LGR5: variants seen among roughly 807,000 people sequenced by gnomAD.
The protein encoded by LGR5 is leucine rich repeat containing G protein-coupled receptor 5, also known as leucine-rich repeat-containing G protein-coupled receptor 5.
LGR5 carries 54 observed loss-of-function variants against 76.7 expected under a neutral mutation model. The ratio of observed to expected loss-of-function variants is 0.70; its 90% CI spans 0.57 to 0.88. LGR5 has a LOEUF of 0.88. LGR5 is among the 40% of genes least tolerant of loss of function. The probability of loss-of-function intolerance (pLI) is 0.00; values close to 1 mark genes in which losing one functional copy is unlikely to be tolerated. For missense variants in LGR5, 1,078 were observed against 1,073.3 expected, an observed-to-expected ratio of 1.00 and a Z score of -0.06; for synonymous variants, 406 against 421.9, an observed-to-expected ratio of 0.96 and a Z score of 0.46.
chr12:71,541,805 G>A (rs773906747), intron 4 of LGR5, among the ~76,000 whole-genome samples: 4 of 152,148 alleles, frequency 2.6e-5, no homozygotes, highest in Non-Finnish European at 1.5e-5. Context: ...GATTTGTAAC[G>A]GAGTCAGGCT....
intron 4 of LGR5, among the ~76,000 whole-genome samples, chr12:71,544,889 G>C (rs1203758070): frequency 6.6e-6 from 1 of 151,900 alleles, no homozygotes; most frequent in East Asian, 1.9e-4. Context: ...TGGTTTTTTG[G>C]CTTTCCTGAC....
At chr12:71,525,477 A>G (rs2137344863) in intron 3 of LGR5, among the ~76,000 whole-genome samples, 1 of 151,022 alleles carries the variant, frequency 6.6e-6, no homozygotes, top group Non-Finnish European at 1.5e-5. Flanking sequence ...GTAATTCCTT[A>G]TGTGGTAAAA....
intron 1 of LGR5, among the ~76,000 whole-genome samples, chr12:71,472,541 G>A (rs1236439269): frequency 6.6e-6 from 1 of 152,142 alleles, no homozygotes; most frequent in Non-Finnish European, 1.5e-5. Context: ...AGATATAATA[G>A]GTTTCACAAA....
At chr12:71,484,546 G>A (rs1290437347) in intron 1 of LGR5, among the ~76,000 whole-genome samples, 1 of 152,176 alleles carries the variant, frequency 6.6e-6, no homozygotes, top group East Asian at 1.9e-4. Flanking sequence ...TCTGAGTGGG[G>A]TCTTTTCCTC....
chr12:71,560,333 T>G (rs1386485435), intron 7 of LGR5, among the ~76,000 whole-genome samples: 6 of 152,232 alleles, frequency 3.9e-5, no homozygotes, highest in Non-Finnish European at 8.8e-5. Flanking sequence ...TAAAAAATTC[T>G]AAGAAACAGA....
chr12:71,549,014 G>A (rs1158316303), intron 4 of LGR5, among the ~76,000 whole-genome samples: 1 of 152,146 alleles, frequency 6.6e-6, no homozygotes, highest in African/African-American at 2.4e-5. Context: ...ATACCCGACT[G>A]TTAAAATATT....
At chr12:71,535,071 G>T (rs1224162796) in intron 3 of LGR5, 44 bp from the exon 4 acceptor site, 1 of 1,402,466 alleles carries the variant, frequency 7.1e-7, no homozygotes, top group South Asian at 1.2e-5. Context: ...GCCTGTTATT[G>T]TTCATTTTTT....
In LGR5 at chr12:71,584,387, C is replaced by T; in HGVS notation, c.2377C>T (p.Leu793Phe). Reference protein sequence around the residue: ...AFLSFSSLINLTFISPEVIKF... With the variant: ...AFLSFSSLINFTFISPEVIKF... ...CTTGTCCTTCTCCTCTTTAATAAAC[C>T]TTACATTTATCAGTCCTGAAGTAAT... is the stretch of plus-strand genomic sequence containing the variant. Residue 793 changes from leucine to phenylalanine, a missense_variant, in exon 18 of 18, where the codon CTT becomes TTT. By Grantham distance (22) the Leu-to-Phe change is conservative. Transcript: ENST00000266674. 6.2e-7 allele frequency: 1 copy of T among 1,614,202 alleles called. No homozygotes were observed. The highest frequency in any genetic ancestry group is 8.5e-7 in the Non-Finnish European group (1 of 1,180,026).
chr12:71,498,877 C>A (rs1874459296), intron 1 of LGR5, among the ~76,000 whole-genome samples: 1 of 152,110 alleles, frequency 6.6e-6, no homozygotes, highest in Non-Finnish European at 1.5e-5. Flanking sequence ...GACAGGTGCC[C>A]CATGGGCATG....
At position 71,584,911 on chromosome 12, in the gene LGR5, A is replaced by G. The variant is rs1196910908; in HGVS notation, c.*177A>G. On this transcript the variant is annotated 3_prime_UTR_variant, in exon 18 of 18. Transcript: ENST00000266674. The stretch of plus-strand genomic sequence containing the variant: ...CTCTTGATACTTGAGAGTGAATATA[A>G]GTCTAAATGCTGCTTTGTATAATTT... 3.2e-6 allele frequency: 2 copies of G among 619,278 alleles called. No individual in the cohort carries two copies. The highest frequency in any genetic ancestry group is 5.6e-6 in the Non-Finnish European group (2 of 357,430). The allele number at this position is 619,278 out of a possible 1,614,324, so 38.4% of individuals were successfully genotyped here. A position where few individuals can be genotyped will look rare whatever the true frequency, so the allele number is the denominator to read the frequency against.
chr12:71,507,940 G>T (rs1187758326), intron 2 of LGR5, among the ~76,000 whole-genome samples: 5 of 151,960 alleles, frequency 3.3e-5, no homozygotes, highest in Non-Finnish European at 7.4e-5. Flanking sequence ...ATCACTATCA[G>T]CTGGGTGAAA....
chr12:71,517,755 A>G (rs971644253), intron 2 of LGR5, among the ~76,000 whole-genome samples: 2 of 152,264 alleles, frequency 1.3e-5, no homozygotes, highest in African/African-American at 4.8e-5. Context: ...ATCTGTCTTA[A>G]TTCAAAAAGC....
chr12:71,480,889 G>A (rs890513506), intron 1 of LGR5, among the ~76,000 whole-genome samples: 2 of 152,092 alleles, frequency 1.3e-5, no homozygotes, highest in Non-Finnish European at 2.9e-5. Flanking sequence ...AGTGATCAAG[G>A]TCTAACAACA....
chr12:71,550,435 A>C (rs940077792), intron 4 of LGR5, among the ~76,000 whole-genome samples: 5 of 146,620 alleles, frequency 3.4e-5, no homozygotes, highest in African/African-American at 1.3e-4. Flanking sequence ...GCGCAGCCCA[A>C]GACTTTTAGA....
chr12:71,542,911 G>A (rs1158148272), intron 4 of LGR5, among the ~76,000 whole-genome samples: 1 of 152,096 alleles, frequency 6.6e-6, no homozygotes, highest in East Asian at 1.9e-4. Context: ...CCCCAACCAT[G>A]CATTCCTCTT....
chr12:71,509,029 G>A (rs907110417), intron 2 of LGR5, among the ~76,000 whole-genome samples: 20 of 152,188 alleles, frequency 1.3e-4, no homozygotes, highest in African/African-American at 4.6e-4. Context: ...CAATGTGCCC[G>A]TGCATAGAGA....
At chr12:71,452,462 A>G (rs536173740) in intron 1 of LGR5, among the ~76,000 whole-genome samples, 10 of 152,334 alleles carry the variant, frequency 6.6e-5, no homozygotes, top group Admixed American at 1.3e-4. Context: ...CCTAAGACAT[A>G]AGATGCCATT....
At chr12:71,491,249 G>T (rs773931835) in intron 1 of LGR5, among the ~76,000 whole-genome samples, 7 of 152,142 alleles carry the variant, frequency 4.6e-5, no homozygotes, top group Non-Finnish European at 1.0e-4. Flanking sequence ...AACTAATACA[G>T]ACTTTAAGAC....
intron 5 of LGR5, among the ~76,000 whole-genome samples, chr12:71,554,993 T>C (rs1332191525): frequency 1.3e-5 from 2 of 152,166 alleles, no homozygotes; most frequent in Non-Finnish European, 2.9e-5. Context: ...TCTTCAATCA[T>C]TCCACTTGAT....
Sources: allele counts gnomAD v4.1 joint callset (sites outside exome capture counted in the v4.1 genomes callset), GRCh38; gene constraint gnomAD v4.1.1; transcripts MANE v1.5; gene names NCBI Gene and HGNC (gene_info 2026-07-23, HGNC 2026-07-21).